The following CTNNA2 variants were observed in gnomAD, a reference collection of about 807,000 sequenced individuals.
The protein encoded by CTNNA2 is catenin alpha-2.
In CTNNA2, 42 loss-of-function variants were observed where a neutral mutation model predicts 101.0. That is an observed-to-expected ratio of 0.42 (90% CI 0.32 to 0.54). The LOEUF is 0.54. Among genes scored for constraint, CTNNA2 ranks in the 20% least tolerant of loss-of-function variants. The probability of loss-of-function intolerance (pLI) is 0.14; values close to 1 mark genes in which losing one functional copy is unlikely to be tolerated. For synonymous variants in CTNNA2, 450 were observed against 456.4 expected (o/e 0.99, Z 0.18); for missense variants, 871 against 1,223.1 (o/e 0.71, Z 4.29).
chr2:79,737,348 CAA>C (rs35471827), intron 2 of CTNNA2, among the ~76,000 whole-genome samples: 67 of 99,406 alleles, frequency 6.7e-4, no homozygotes, highest in Admixed American at 9.8e-4. Context: ...GACTCCGTCT[CAA>C]AAAAAAAAAA....
intron 7 of CTNNA2, among the ~76,000 whole-genome samples, chr2:80,091,796 G>A (rs1699808975): frequency 6.6e-6 from 1 of 151,960 alleles, no homozygotes; most frequent in Non-Finnish European, 1.5e-5. Flanking sequence ...GACCTATGAA[G>A]CCAAATCAAT....
chr2:80,106,015 A>G (rs553235644), intron 7 of CTNNA2, among the ~76,000 whole-genome samples: 2 of 152,294 alleles, frequency 1.3e-5, no homozygotes, highest in South Asian at 2.1e-4. Flanking sequence ...GGATTTAACA[A>G]GGGGGTTTTA....
At chr2:79,461,680 C>G (rs1441086068) in intron 4 of CTNNA2, among the ~76,000 whole-genome samples, 1 of 151,956 alleles carries the variant, frequency 6.6e-6, no homozygotes, top group Non-Finnish European at 1.5e-5. Flanking sequence ...AGCAAAGATA[C>G]CAGAAAAAGT....
intron 3 of CTNNA2, among the ~76,000 whole-genome samples, chr2:79,343,000 A>C (rs1214469422): frequency 6.6e-6 from 1 of 152,234 alleles, no homozygotes; most frequent in Non-Finnish European, 1.5e-5. Context: ...GATGTATCTT[A>C]AAAATGTTCA....
intron 9 of CTNNA2, among the ~76,000 whole-genome samples, chr2:80,486,515 A>G (rs1050200811): frequency 1.3e-5 from 2 of 152,346 alleles, no homozygotes; most frequent in South Asian, 4.1e-4. Flanking sequence ...AAAAATAAAT[A>G]AAATGAGAGA....
intron 7 of CTNNA2, among the ~76,000 whole-genome samples, chr2:80,064,749 C>T (rs1002161754): frequency 6.6e-6 from 1 of 152,206 alleles, no homozygotes; most frequent in African/African-American, 2.4e-5. Context: ...CAGGCACTTT[C>T]CAAGCCTCTG....
intron 3 of CTNNA2, among the ~76,000 whole-genome samples, chr2:79,766,589 C>T (rs1673173282): frequency 2.6e-5 from 4 of 152,144 alleles, no homozygotes; most frequent in Admixed American, 2.0e-4. Context: ...GAGAAGTTCT[C>T]TGTTATTATC....
intron 4 of CTNNA2, among the ~76,000 whole-genome samples, chr2:79,487,014 G>A (rs1243819322): frequency 6.6e-6 from 1 of 152,130 alleles, no homozygotes; most frequent in Non-Finnish European, 1.5e-5. Context: ...TAGAAGTTCT[G>A]CTCAATTATC....
At chr2:79,533,187 T>C (rs1672848676) in intron 1 of CTNNA2, among the ~76,000 whole-genome samples, 1 of 152,084 alleles carries the variant, frequency 6.6e-6, no homozygotes, top group Admixed American at 6.6e-5. Context: ...TTCCCCATTT[T>C]TGTTACACCT....
chr2:79,564,051 C>T (rs938428364), intron 1 of CTNNA2, among the ~76,000 whole-genome samples: 2 of 152,102 alleles, frequency 1.3e-5, no homozygotes, highest in Non-Finnish European at 2.9e-5. Context: ...CCTTTTCCAC[C>T]ATCCCAGTTT....
chr2:79,742,830 T>A (rs1671383383), intron 2 of CTNNA2, among the ~76,000 whole-genome samples: 1 of 152,202 alleles, frequency 6.6e-6, no homozygotes, highest in Non-Finnish European at 1.5e-5. Context: ...CTCTACCTAA[T>A]TATTTAGCAA....
chr2:80,447,603 G>T (rs561032161), intron 9 of CTNNA2, among the ~76,000 whole-genome samples: 1 of 152,344 alleles, frequency 6.6e-6, no homozygotes, highest in South Asian at 2.1e-4. Flanking sequence ...TGGGGGAAAA[G>T]CTCCTAGTGG....
intron 6 of CTNNA2, among the ~76,000 whole-genome samples, chr2:79,883,769 T>G (rs1173484667): frequency 6.6e-6 from 1 of 152,144 alleles, no homozygotes; most frequent in Non-Finnish European, 1.5e-5. Flanking sequence ...ATGAAGATAC[T>G]TTCAAAAAAT....
chr2:79,484,308 A>G (rs2104558734), intron 4 of CTNNA2, among the ~76,000 whole-genome samples: 1 of 152,238 alleles, frequency 6.6e-6, no homozygotes, highest in Non-Finnish European at 1.5e-5. Flanking sequence ...ACTTGTTTAG[A>G]ACGAGTGGCT....
intron 1 of CTNNA2, among the ~76,000 whole-genome samples, chr2:79,591,703 A>C (rs986735146): frequency 2.0e-5 from 3 of 152,066 alleles, no homozygotes; most frequent in Non-Finnish European, 4.4e-5. Flanking sequence ...TTCTGAGGGG[A>C]TACTGGTCTC....
At chr2:79,585,724 C>G (rs1676441163) in intron 1 of CTNNA2, among the ~76,000 whole-genome samples, 1 of 151,816 alleles carries the variant, frequency 6.6e-6, no homozygotes, top group Non-Finnish European at 1.5e-5. Context: ...TGCTCCAGCC[C>G]CTCCCTCCCT....
intron 7 of CTNNA2, among the ~76,000 whole-genome samples, chr2:80,072,004 T>C (rs1287292311): frequency 3.9e-5 from 6 of 152,206 alleles, no homozygotes; most frequent in Admixed American, 3.3e-4. Context: ...AAGGGGATCT[T>C]ACATATTGGC....
chr2:80,269,993 A>G (rs536690284), intron 7 of CTNNA2, among the ~76,000 whole-genome samples: 40 of 152,340 alleles, frequency 2.6e-4, no homozygotes, highest in Admixed American at 7.8e-4. Flanking sequence ...CAGGGGCTGT[A>G]AACAAGAGGC....
chr2:79,217,950 T>G (rs933315633), intron 2 of CTNNA2, among the ~76,000 whole-genome samples: 3 of 152,170 alleles, frequency 2.0e-5, no homozygotes, highest in Non-Finnish European at 2.9e-5. Flanking sequence ...CTTAAAATAT[T>G]TGATGAAAGG....
Sources: gnomAD v4.1 joint callset for allele counts (sites outside exome capture counted in the v4.1 genomes callset) on GRCh38, gnomAD v4.1.1 for gene constraint, MANE v1.5 for transcripts, NCBI Gene and HGNC (gene_info 2026-07-23, HGNC 2026-07-21) for gene names.